The following ARHGAP24 variants were observed in gnomAD, a reference collection of about 807,000 sequenced individuals.
The protein encoded by ARHGAP24 is rho GTPase-activating protein 24.
Under a neutral mutation model 76.4 loss-of-function variants are expected in ARHGAP24, and 50 were observed. The observed-to-expected ratio is 0.65, with a 90% CI of 0.52 to 0.83. The LOEUF (loss-of-function observed/expected upper bound fraction) is 0.83. ARHGAP24 is among the 40% of genes least tolerant of loss of function. The pLI is 0.00. For synonymous variants in ARHGAP24, 345 were observed against 323.3 expected, an observed-to-expected ratio of 1.07 and a Z score of -0.72; for missense variants, 930 against 914.2, an observed-to-expected ratio of 1.02 and a Z score of -0.22.
intron 3 of ARHGAP24, among the ~76,000 whole-genome samples, chr4:85,864,778 G>A (rs1481539482): frequency 1.3e-5 from 2 of 151,984 alleles, no homozygotes; most frequent in Non-Finnish European, 1.5e-5. Flanking sequence ...ATGGAAATAC[G>A]GACCAGTTAG....
At chr4:85,922,784 A>G (rs1016955485) in intron 3 of ARHGAP24, among the ~76,000 whole-genome samples, 9 of 152,316 alleles carry the variant, frequency 5.9e-5, no homozygotes, top group East Asian at 3.9e-4. Context: ...GTAAGTGGGA[A>G]AATTAACTCA....
At chr4:85,719,130 A>G in intron 2 of ARHGAP24, among the ~76,000 whole-genome samples, 1 of 152,210 alleles carries the variant, frequency 6.6e-6, no homozygotes, top group East Asian at 1.9e-4. Flanking sequence ...TCTTAATTGA[A>G]ACAATTATTT....
intron 3 of ARHGAP24, among the ~76,000 whole-genome samples, chr4:85,770,372 T>C (rs969588340): frequency 6.6e-6 from 1 of 152,224 alleles, no homozygotes; most frequent in Admixed American, 6.5e-5. Flanking sequence ...TCCAATGCTT[T>C]CTCACCTAAG....
At chr4:85,972,423 A>G (rs1739041891) in intron 6 of ARHGAP24, 1 of 484,262 alleles carries the variant, frequency 2.1e-6, no homozygotes, top group Admixed American at 3.3e-5. Context: ...CTAAATGATA[A>G]ATGCAGTGCT....
intron 3 of ARHGAP24, among the ~76,000 whole-genome samples, chr4:85,836,940 T>A (rs1307761218): frequency 3.3e-5 from 5 of 152,232 alleles, no homozygotes; most frequent in African/African-American, 1.2e-4. Context: ...CTGTTCCAAC[T>A]CACAGAGTAG....
intron 8 of ARHGAP24, among the ~76,000 whole-genome samples, chr4:85,980,252 AC>A (rs1739578120): frequency 6.6e-6 from 1 of 152,250 alleles, no homozygotes. Flanking sequence ...TGTACATATT[AC>A]ATGCATAATA....
chr4:85,607,163 A>T (rs1481391774), intron 2 of ARHGAP24, among the ~76,000 whole-genome samples: 2 of 152,166 alleles, frequency 1.3e-5, no homozygotes, highest in Non-Finnish European at 2.9e-5. Flanking sequence ...CATGGATGAG[A>T]ATAATAGAGT....
intron 2 of ARHGAP24, among the ~76,000 whole-genome samples, chr4:85,712,564 G>C (rs1326644633): frequency 6.6e-6 from 1 of 152,134 alleles, no homozygotes; most frequent in South Asian, 2.1e-4. Context: ...GTCTTCTGAG[G>C]GTTTGGGGGG....
At chr4:85,946,894 G>A (rs1737301326) in intron 5 of ARHGAP24, among the ~76,000 whole-genome samples, 1 of 152,132 alleles carries the variant, frequency 6.6e-6, no homozygotes, top group South Asian at 2.1e-4. Flanking sequence ...TCACTTCCTT[G>A]AGAAATCTCC....
At chr4:85,645,841 C>T (rs1315515942) in intron 2 of ARHGAP24, among the ~76,000 whole-genome samples, 1 of 151,896 alleles carries the variant, frequency 6.6e-6, no homozygotes, top group Non-Finnish European at 1.5e-5. Context: ...AATTACCAGC[C>T]TAATTCTATG....
intron 3 of ARHGAP24, among the ~76,000 whole-genome samples, chr4:85,805,955 C>A (rs933946446): frequency 6.6e-6 from 1 of 152,182 alleles, no homozygotes; most frequent in African/African-American, 2.4e-5. Context: ...GCCTCCTAGA[C>A]TCTCAGGAGG....
chr4:85,858,969 G>A (rs567828396), intron 3 of ARHGAP24, among the ~76,000 whole-genome samples: 155 of 151,976 alleles, frequency 1.0e-3, no homozygotes, highest in African/African-American at 3.7e-3. Flanking sequence ...CTGAACCTCA[G>A]GTACATATAA....
chr4:85,724,491 G>GTATATATATATA (rs60930279), intron 3 of ARHGAP24, among the ~76,000 whole-genome samples: 1 of 10,710 alleles, frequency 9.3e-5, no homozygotes, highest in Admixed American at 2.1e-3. Flanking sequence ...TTCCATGTGT[G>GTATATATATATA]TATATATATA....
At chr4:85,672,748 A>T (rs1045233201) in intron 2 of ARHGAP24, among the ~76,000 whole-genome samples, 1 of 152,156 alleles carries the variant, frequency 6.6e-6, no homozygotes, top group Admixed American at 6.5e-5. Context: ...AGGACTGGGG[A>T]AAAAACTTTA....
At chr4:85,547,415 G>A (rs935056479) in intron 1 of ARHGAP24, among the ~76,000 whole-genome samples, 5 of 151,736 alleles carry the variant, frequency 3.3e-5, no homozygotes, top group African/African-American at 4.9e-5. Context: ...GGCACATGAT[G>A]TCAGTGTATT....
chr4:85,662,475 C>T (rs1394446436), intron 2 of ARHGAP24, among the ~76,000 whole-genome samples: 1 of 151,160 alleles, frequency 6.6e-6, no homozygotes, highest in Non-Finnish European at 1.5e-5. Flanking sequence ...GTTGCCTTTT[C>T]ACTCTGATGG....
chr4:85,554,528 G>C (rs1726272826), intron 1 of ARHGAP24, among the ~76,000 whole-genome samples: 1 of 152,052 alleles, frequency 6.6e-6, no homozygotes, highest in African/African-American at 2.4e-5. Flanking sequence ...TTAGTTTAGA[G>C]AACCAGTCTT....
intron 9 of ARHGAP24, among the ~76,000 whole-genome samples, chr4:85,997,387 GATAGATAGATAGATA>G (rs1740738540): frequency 1.7e-5 from 1 of 58,758 alleles, no homozygotes; most frequent in Non-Finnish European, 4.4e-5. Flanking sequence ...TAGATAGATA[GATAGATAGATAGATA>G]GATAGATAGA....
intron 2 of ARHGAP24, among the ~76,000 whole-genome samples, chr4:85,598,056 T>A (rs1427115885): frequency 1.3e-5 from 2 of 152,214 alleles, no homozygotes; most frequent in East Asian, 3.9e-4. Flanking sequence ...AAGGGATGGA[T>A]ACGTTAAATT....
Sources: gnomAD v4.1 joint callset for allele counts (sites outside exome capture counted in the v4.1 genomes callset) on GRCh38, gnomAD v4.1.1 for gene constraint, MANE v1.5 for transcripts, NCBI Gene and HGNC (gene_info 2026-07-23, HGNC 2026-07-21) for gene names.